The following IGSF3 variants were observed in gnomAD, a reference collection of about 807,000 sequenced individuals.
IGSF3 encodes immunoglobulin superfamily member 3, also known as glu-Trp-Ile EWI motif-containing protein 3.
A neutral mutation model predicts 114.4 loss-of-function variants in IGSF3; 23 were observed. The observed-to-expected ratio is 0.20, with a 90% CI of 0.14 to 0.28. The LOEUF is 0.28. Ranked by LOEUF, IGSF3 falls within the 10% of genes least tolerant of loss-of-function variation. The probability of loss-of-function intolerance (pLI) is 1.00; values close to 1 mark genes in which losing one functional copy is unlikely to be tolerated. For synonymous variants in IGSF3, 571 were observed against 645.2 expected, an observed-to-expected ratio of 0.88 and a Z score of 1.74; for missense variants, 1,172 against 1,591.5, an observed-to-expected ratio of 0.74 and a Z score of 4.48.
In IGSF3 at chr1:116,661,808, CA is replaced by C. The variant is rs1196691362; in HGVS notation, c.43+4475del. ...GGACCCTCAGGATAAGCATATTTTCCAGCCTTCTTTGCAGCTAAATATGGTC... is the reference window on the plus strand; with the variant it reads ...GGACCCTCAGGATAAGCATATTTTCCGCCTTCTTTGCAGCTAAATATGGTC... On this transcript the variant is annotated intron_variant, in intron 2 of 10. Coordinates refer to ENST00000369486, the MANE Select transcript of IGSF3 (RefSeq NM_001007237.3). The surrounding 1 kb of genome is among the most constrained non-coding windows in gnomAD (Gnocchi z 4.0). Among the ~76,000 whole-genome samples the C allele has an allele frequency of 6.6e-6, 1 of 152,190 alleles. No individual in the cohort carries two copies. The highest frequency in any genetic ancestry group is 2.4e-5 in the African/African-American group (1 of 41,444).
intron 2 of IGSF3, among the ~76,000 whole-genome samples, chr1:116,653,774 A>G (rs1648734657): frequency 6.6e-6 from 1 of 152,190 alleles, no homozygotes; most frequent in African/African-American, 2.4e-5. Context: ...TTAGTTCTCT[A>G]TCTTGTTGCT....
Position 116,579,570 on chromosome 1 carries a change from C to G in IGSF3, c.3156G>C (p.Arg1052Ser). The G allele has an allele frequency of 6.2e-7, 1 of 1,614,124 alleles. No homozygotes were observed. The highest frequency in any genetic ancestry group is 1.1e-5 in the South Asian group (1 of 91,074). ...FGPEGSPWEG[R>S]LRFQRLSPVL... ...CCGGGGAGAGCCTCTGGAAGCGAAGCCTGCCCTCCCAAGGACTGCCCTCTG... is the reference window on the plus strand; with the variant it reads ...CCGGGGAGAGCCTCTGGAAGCGAAGGCTGCCCTCCCAAGGACTGCCCTCTG... The change falls in exon 10 of 11, where the codon AGG becomes AGC. Residue 1052 changes from arginine to serine, a missense_variant. Around this residue, in one of 3 missense-constraint regions of IGSF3, gnomAD observed 423 missense variants for 509.8 expected, o/e 0.83. Coordinates refer to ENST00000369486, the MANE Select transcript of IGSF3 (RefSeq NM_001007237.3). This position sits in a 1 kb window ranked among gnomAD's most constrained non-coding sequence, Gnocchi z 6.4.
In IGSF3 at chr1:116,615,288, C is replaced by T. The variant is rs1318864069; in HGVS notation, c.421+792G>A. On this transcript the variant is annotated intron_variant, in intron 3 of 10. Coordinates refer to ENST00000369486, the MANE Select transcript of IGSF3 (RefSeq NM_001007237.3). The surrounding 1 kb of genome is among the most constrained non-coding windows in gnomAD (Gnocchi z 4.3). The stretch of plus-strand genomic sequence containing the variant: ...AAGCTCCATCACACATACACACATA[C>T]ACACACACACACACACACGAAAAAA... Among the ~76,000 whole-genome samples the T allele has an allele frequency of 1.4e-5, 2 of 147,786 alleles. No homozygotes were observed. Among genetic ancestry groups the T allele is most frequent in the Non-Finnish European group, 3.0e-5 (2 of 66,258 alleles).
rs1172057534 is a variant in IGSF3 at position 116,598,117 on chromosome 1, GA to G, written c.2029+1823del. ...CAGTCTTAGATTCCAAGTAGTACCA[GA>G]AACAGGCAAATACTAGGGATGTATT... On this transcript the variant is annotated intron_variant, in intron 7 of 10. Transcript: ENST00000369486. This position sits in a 1 kb window ranked among gnomAD's most constrained non-coding sequence, Gnocchi z 4.3. 6.6e-6 allele frequency among the ~76,000 whole-genome samples: 1 copy of G among 152,126 alleles called. No homozygotes were observed. Among genetic ancestry groups the G allele is most frequent in the Admixed American group, 6.5e-5 (1 of 15,270 alleles).
chr1:116,576,420 CCCTT>C lies in IGSF3; in HGVS notation c.*888_*891del, dbSNP rs1279594061. The C allele has an allele frequency of 1.3e-5, 2 of 152,746 alleles. No individual in the cohort carries two copies. Among genetic ancestry groups the C allele is most frequent in the African/African-American group, 4.8e-5 (2 of 41,476 alleles). The allele number at this position is 152,746 out of a possible 1,614,324, so 9.5% of individuals were successfully genotyped here. A position where few individuals can be genotyped will look rare whatever the true frequency, so the allele number is the denominator to read the frequency against. On this transcript the variant is annotated 3_prime_UTR_variant, in exon 11 of 11. Coordinates refer to ENST00000369486, the MANE Select transcript of IGSF3 (RefSeq NM_001007237.3). The surrounding 1 kb of genome is among the most constrained non-coding windows in gnomAD (Gnocchi z 4.6). ...GAGCAAGCCAACAGCCAGCCTTTCT[CCCTT>C]CCTTCTCTAGTCACTGGCTTTGACA...
rs1660323564 is a variant in IGSF3, at chr1:116,595,917, C to G, written c.2029+4024G>C. 6.6e-6 allele frequency among the ~76,000 whole-genome samples: 1 copy of G among 152,052 alleles called. No individual in the cohort carries two copies. The highest frequency in any genetic ancestry group is 1.5e-5 in the Non-Finnish European group (1 of 67,990). On this transcript the variant is annotated intron_variant, in intron 7 of 10. Coordinates refer to ENST00000369486, the MANE Select transcript of IGSF3 (RefSeq NM_001007237.3). This position sits in a 1 kb window ranked among gnomAD's most constrained non-coding sequence, Gnocchi z 4.2. ...CTGGCTGAAAGTCTTGCCTAAGCAC[C>G]CCTTGAGGGGTCACACTATGTGATC...
rs902380217 is a variant in IGSF3, at chr1:116,618,805, T to A, written c.44-2348A>T. ...ATTTAACTACATTCATAACATTAGG[T>A]ATCCTTTGAATTGCGGTGTTCTATG... is the stretch of plus-strand genomic sequence containing the variant. On this transcript the variant is annotated intron_variant, in intron 2 of 10. Coordinates refer to ENST00000369486, the MANE Select transcript of IGSF3 (RefSeq NM_001007237.3). This position sits in a 1 kb window ranked among gnomAD's most constrained non-coding sequence, Gnocchi z 4.7. 2.0e-5 allele frequency among the ~76,000 whole-genome samples: 3 copies of A among 152,164 alleles called. No homozygotes were observed. The highest frequency in any genetic ancestry group is 7.2e-5 in the African/African-American group (3 of 41,434).
rs1339720817 is a variant in IGSF3 at position 116,596,108 on chromosome 1, C to T, written c.2029+3833G>A. The stretch of plus-strand genomic sequence containing the variant: ...ATCCAACCAGAGATTCTGATGAATA[C>T]TGATATGGGGGCAGGATCAGCAGGT... On this transcript the variant is annotated intron_variant, in intron 7 of 10. Transcript: ENST00000369486. This position sits in a 1 kb window ranked among gnomAD's most constrained non-coding sequence, Gnocchi z 4.1. Among the ~76,000 whole-genome samples the T allele has an allele frequency of 1.3e-5, 2 of 152,186 alleles. No homozygotes were observed. Among genetic ancestry groups the T allele is most frequent in the Non-Finnish European group, 2.9e-5 (2 of 68,038 alleles).
At chr1:116,620,666 G>C (rs1235576873) in intron 2 of IGSF3, among the ~76,000 whole-genome samples, 1 of 152,182 alleles carries the variant, frequency 6.6e-6, no homozygotes, top group African/African-American at 2.4e-5. Context: ...GCACTAACTT[G>C]CTAGCATGTG....
chr1:116,654,427 C>T lies in IGSF3; in HGVS notation c.43+11857G>A, dbSNP rs1648761227. ...AGATCAATGCCTCCTTAGGGTTAAC[C>T]CCAGGTTGGGAGAGGGCATCTGGCA... On this transcript the variant is annotated intron_variant, in intron 2 of 10. Coordinates refer to ENST00000369486, the MANE Select transcript of IGSF3 (RefSeq NM_001007237.3). This position sits in a 1 kb window ranked among gnomAD's most constrained non-coding sequence, Gnocchi z 4.4. 6.6e-6 allele frequency among the ~76,000 whole-genome samples: 1 copy of T among 152,166 alleles called. No homozygotes were observed. The highest frequency in any genetic ancestry group is 6.5e-5 in the Admixed American group (1 of 15,276).
chr1:116,662,260 G>A lies in IGSF3; in HGVS notation c.43+4024C>T, dbSNP rs1336909214. Among the ~76,000 whole-genome samples, 1 of 151,780 alleles carries A rather than the reference G, an allele frequency of 6.6e-6. No individual in the cohort carries two copies. Among genetic ancestry groups the A allele is most frequent in the Non-Finnish European group, 1.5e-5 (1 of 67,964 alleles). ...TAATTTTTGTATTTTTAGTACAGAC[G>A]GTGTTTCACCATGTTGGCCAGGCTG... is the stretch of plus-strand genomic sequence containing the variant. On this transcript the variant is annotated intron_variant, in intron 2 of 10. Transcript: ENST00000369486. This position sits in a 1 kb window ranked among gnomAD's most constrained non-coding sequence, Gnocchi z 4.3.
At chr1:116,608,594 T>C (rs1353823782) in intron 4 of IGSF3, among the ~76,000 whole-genome samples, 6 of 152,212 alleles carry the variant, frequency 3.9e-5, no homozygotes, top group African/African-American at 1.4e-4. Context: ...TTAAGACCAA[T>C]GGGGCTCAGT....
chr1:116,647,511 G>A lies in IGSF3; in HGVS notation c.43+18773C>T, dbSNP rs1380032711. On this transcript the variant is annotated intron_variant, in intron 2 of 10. Transcript: ENST00000369486. The surrounding 1 kb of genome is among the most constrained non-coding windows in gnomAD (Gnocchi z 4.6). ...CCACCATTTATTGAGCCCTTACTATGTGCCAGACCGATGCTAAGTGCTTTC... is the reference window on the plus strand; with the variant it reads ...CCACCATTTATTGAGCCCTTACTATATGCCAGACCGATGCTAAGTGCTTTC... Among the ~76,000 whole-genome samples, 7 of 152,300 alleles carry A rather than the reference G, an allele frequency of 4.6e-5. No homozygotes were observed. The East Asian group carries it at 7.7e-4, about 17-fold the overall frequency.
intron 2 of IGSF3, among the ~76,000 whole-genome samples, chr1:116,656,612 C>G (rs1648863755): frequency 6.6e-6 from 1 of 151,590 alleles, no homozygotes; most frequent in Non-Finnish European, 1.5e-5. Context: ...GTCACTGTTA[C>G]CTCCATCAAA....
At chr1:116,652,080 C>T (rs543287586) in intron 2 of IGSF3, among the ~76,000 whole-genome samples, 9 of 152,240 alleles carry the variant, frequency 5.9e-5, no homozygotes, top group South Asian at 2.1e-4. Context: ...GGATCCTGGA[C>T]GTCACTAACT....
At chr1:116,601,058 T>C (rs1660557237) in intron 6 of IGSF3, among the ~76,000 whole-genome samples, 1 of 152,196 alleles carries the variant, frequency 6.6e-6, no homozygotes, top group Admixed American at 6.5e-5. Context: ...TATTCATACA[T>C]TGATCACAAT....
intron 2 of IGSF3, among the ~76,000 whole-genome samples, chr1:116,646,297 G>A (rs1271275308): frequency 6.6e-6 from 1 of 152,160 alleles, no homozygotes; most frequent in Non-Finnish European, 1.5e-5. Context: ...TCCGGCTTCT[G>A]GTGAAACGCC....
Position 116,642,282 on chromosome 1 carries a change from G to A in IGSF3, c.43+24002C>T, listed in dbSNP as rs1648143064. 6.6e-6 allele frequency among the ~76,000 whole-genome samples: 1 copy of A among 152,050 alleles called. No individual in the cohort carries two copies. The highest frequency in any genetic ancestry group is 2.4e-5 in the African/African-American group (1 of 41,378). Reference sequence around the variant, plus strand: ...TTTGGTAAAAGAATTATCCTTAAGTGGGTATTTTTTCCCTAAGTCTGAAAT... The same window carrying A: ...TTTGGTAAAAGAATTATCCTTAAGTAGGTATTTTTTCCCTAAGTCTGAAAT... On this transcript the variant is annotated intron_variant, in intron 2 of 10. Transcript: ENST00000369486. This position sits in a 1 kb window ranked among gnomAD's most constrained non-coding sequence, Gnocchi z 5.4.
chr1:116,646,114 T>A (rs1320113453), intron 2 of IGSF3, among the ~76,000 whole-genome samples: 1 of 152,258 alleles, frequency 6.6e-6, no homozygotes, highest in African/African-American at 2.4e-5. Flanking sequence ...AACTGCAGCA[T>A]CTCCCTCCAC....
Sources: allele counts gnomAD v4.1 joint callset (sites outside exome capture counted in the v4.1 genomes callset), GRCh38; gene constraint gnomAD v4.1.1; regional missense constraint gnomAD v4.1.1; non-coding constraint Gnocchi (gnomAD v3.1); transcripts MANE v1.5; gene names NCBI Gene and HGNC (gene_info 2026-07-23, HGNC 2026-07-21).